CYLD: variants seen among roughly 807,000 people sequenced by gnomAD.
CYLD encodes CYLD lysine 63 deubiquitinase, also known as ubiquitin carboxyl-terminal hydrolase CYLD.
A neutral mutation model predicts 104.5 loss-of-function variants in CYLD; 26 were observed. The ratio of observed to expected loss-of-function variants is 0.25; its 90% CI spans 0.18 to 0.35. The LOEUF is 0.35. CYLD is among the 10% of genes least tolerant of loss of function. The pLI is 1.00. For synonymous variants in CYLD, 385 were observed against 399.9 expected, an observed-to-expected ratio of 0.96 and a Z score of 0.45; for missense variants, 703 against 1,136.1, an observed-to-expected ratio of 0.62 and a Z score of 5.48.
intron 2 of CYLD, among the ~76,000 whole-genome samples, chr16:50,747,173 T>C (rs902783814): frequency 6.6e-6 from 1 of 152,240 alleles, no homozygotes; most frequent in Non-Finnish European, 1.5e-5. Flanking sequence ...ATAAAGCCTA[T>C]GTGCCCTTTG....
chr16:50,775,251 C>T (rs1449364728), intron 6 of CYLD, 77 bp downstream of exon 6: 1 of 1,071,310 alleles, frequency 9.3e-7, no homozygotes, highest in Non-Finnish European at 1.4e-6. Context: ...TTCACACTGC[C>T]TCTTCTACAT....
chr16:50,768,972 G>C (rs993783967), intron 5 of CYLD, among the ~76,000 whole-genome samples: 1 of 152,102 alleles, frequency 6.6e-6, no homozygotes, highest in Non-Finnish European at 1.5e-5. Context: ...GAATAACTCA[G>C]AATGCATTCT....
At chr16:50,771,773 C>A (rs1307370505) in intron 5 of CYLD, among the ~76,000 whole-genome samples, 1 of 152,088 alleles carries the variant, frequency 6.6e-6, no homozygotes, top group Non-Finnish European at 1.5e-5. Flanking sequence ...TTTAAAAAAT[C>A]TATGGATATC....
intron 5 of CYLD, among the ~76,000 whole-genome samples, chr16:50,766,124 T>A (rs1968488615): frequency 6.6e-6 from 1 of 152,242 alleles, no homozygotes; most frequent in Non-Finnish European, 1.5e-5. Flanking sequence ...AGATGAGTAG[T>A]CAATGCCTGG....
At position 50,749,518 on chromosome 16, in the gene CYLD, A is replaced by G; in HGVS notation, c.-123-58A>G. ...CTTAATTTTCAGTCATGTAGAATGA[A>G]GTCTAAAGTTTATTTTTGCTTTTTC... is the stretch of plus-strand genomic sequence containing the variant. On this transcript the variant is annotated intron_variant, in intron 2 of 18. Transcript: ENST00000427738. 6.4e-6 allele frequency: 4 copies of G among 625,710 alleles called. No homozygotes were observed. In the East Asian group the frequency reaches 1.1e-4, roughly 17 times the overall value. The allele number at this position is 625,710 out of a possible 1,614,324, so 38.8% of individuals were successfully genotyped here.
Position 50,796,781 on chromosome 16 carries a change from A to G in CYLD, c.*273A>G, listed in dbSNP as rs1441228562. On this transcript the variant is annotated 3_prime_UTR_variant, in exon 19 of 19. Coordinates refer to ENST00000427738, the MANE Select transcript of CYLD (RefSeq NM_001378743.1). ...ATACCTGAAGCTTTAAGTTAAGTGC[A>G]TTGATCATATGATATTTTTGGAAGC... 1.9e-5 allele frequency: 9 copies of G among 462,048 alleles called. No homozygotes were observed. Among genetic ancestry groups the G allele is most frequent in the Admixed American group, 1.8e-4 (5 of 28,432 alleles). 28.6% of individuals were successfully genotyped at this position (462,048 alleles called of 1,614,324 possible).
At chr16:50,792,489 A>G (rs1357103489) in intron 15 of CYLD, 108 bp from the exon 16 acceptor site, 22 of 737,964 alleles carry the variant, frequency 3.0e-5, no homozygotes, top group African/African-American at 5.3e-5. Flanking sequence ...ATAGGACACC[A>G]ATATTAAGGC....
intron 5 of CYLD, among the ~76,000 whole-genome samples, chr16:50,765,188 T>C (rs1360334873): frequency 6.6e-6 from 1 of 152,224 alleles, no homozygotes; most frequent in Non-Finnish European, 1.5e-5. Context: ...TTTGGGCAAG[T>C]CTGTCAATGC....
At chr16:50,771,025 C>T (rs562549581) in intron 5 of CYLD, among the ~76,000 whole-genome samples, 3 of 152,224 alleles carry the variant, frequency 2.0e-5, no homozygotes, top group African/African-American at 7.2e-5. Flanking sequence ...TCAAGTTCGA[C>T]AACTTTTGTT....
chr16:50,791,878 GA>G (rs1263144825), intron 15 of CYLD, among the ~76,000 whole-genome samples, 188 bp downstream of exon 15: 3 of 152,182 alleles, frequency 2.0e-5, no homozygotes, highest in East Asian at 3.8e-4. Context: ...TTAGAATTAA[GA>G]TTGAATTTTT....
At chr16:50,776,824 C>T (rs1296471458) in intron 7 of CYLD, among the ~76,000 whole-genome samples, 1 of 152,128 alleles carries the variant, frequency 6.6e-6, no homozygotes, top group East Asian at 1.9e-4. Context: ...ATTAAAAAGG[C>T]TCTGAGAATT....
chr16:50,750,232 G>GT, intron 3 of CYLD, 30 bp downstream of exon 3: 1 of 1,611,470 alleles, frequency 6.2e-7, no homozygotes, highest in Non-Finnish European at 8.5e-7. Context: ...TTAGTAGTGT[G>GT]TTTGTTTGTG....
chr16:50,760,554 A>G (rs560169852), intron 5 of CYLD, among the ~76,000 whole-genome samples: 7 of 152,216 alleles, frequency 4.6e-5, no homozygotes, highest in African/African-American at 1.7e-4. Flanking sequence ...TAGTAGATAC[A>G]CTATTCTGCT....
intron 2 of CYLD, among the ~76,000 whole-genome samples, chr16:50,749,045 T>C (rs1449415923): frequency 6.6e-6 from 1 of 151,734 alleles, no homozygotes; most frequent in Non-Finnish European, 1.5e-5. Context: ...CTACAAAAAA[T>C]AGAAAGCTTA....
chr16:50,748,103 A>G (rs1276032936), intron 2 of CYLD, among the ~76,000 whole-genome samples: 1 of 152,246 alleles, frequency 6.6e-6, no homozygotes, highest in Non-Finnish European at 1.5e-5. Flanking sequence ...TTGCTAGAAT[A>G]AAATAAATAT....
chr16:50,800,643 A>C lies in CYLD; in HGVS notation c.*4135A>C. The C allele has an allele frequency of 4.3e-6, 1 of 232,768 alleles. No individual in the cohort carries two copies. Among genetic ancestry groups the C allele is most frequent in the Non-Finnish European group, 8.5e-6 (1 of 117,692 alleles). The allele number at this position is 232,768 out of a possible 1,614,324, so 14.4% of individuals were successfully genotyped here. ...AAAAATGAAAACAAAATTCTAAGGCAAAGTTAAAGAAAAAAATTACATTAT... is the reference window on the plus strand; with the variant it reads ...AAAAATGAAAACAAAATTCTAAGGCCAAGTTAAAGAAAAAAATTACATTAT... On this transcript the variant is annotated 3_prime_UTR_variant, in exon 19 of 19. Transcript: ENST00000427738.
At chr16:50,742,391 C>T (rs574011077) in intron 1 of CYLD, 113 of 164,540 alleles carry the variant, frequency 6.9e-4, no homozygotes, top group Non-Finnish European at 1.3e-3. Flanking sequence ...CCGCTGACGT[C>T]AGCCCGGGTT....
At position 50,798,658 on chromosome 16, in the gene CYLD, A is replaced by G. The variant is rs563954578; in HGVS notation, c.*2150A>G. The G allele has an allele frequency of 2.5e-4, 58 of 232,346 alleles. No homozygotes were observed. The South Asian group carries it at 0.01, about 41-fold the overall frequency. The allele number at this position is 232,346 out of a possible 1,614,324, so 14.4% of individuals were successfully genotyped here. On this transcript the variant is annotated 3_prime_UTR_variant, in exon 19 of 19. Coordinates refer to ENST00000427738, the MANE Select transcript of CYLD (RefSeq NM_001378743.1). ...AGAGAGAAGACAGTTCCTTTCCTGT[A>G]GAAATTAAAACAAAATACAAATTGA...
chr16:50,755,943 G>A (rs962762323), intron 5 of CYLD, among the ~76,000 whole-genome samples: 2 of 152,114 alleles, frequency 1.3e-5, no homozygotes, highest in South Asian at 4.1e-4. Context: ...TTAAGCCAAT[G>A]TCTAGAAGGA....
Sources: allele counts gnomAD v4.1 joint callset (sites outside exome capture counted in the v4.1 genomes callset), GRCh38; gene constraint gnomAD v4.1.1; transcripts MANE v1.5; gene names NCBI Gene and HGNC (gene_info 2026-07-23, HGNC 2026-07-21).